DNM3: variants seen among roughly 807,000 people sequenced by gnomAD.
DNM3 encodes dynamin 3.
Under a neutral mutation model 101.6 loss-of-function variants are expected in DNM3, and 47 were observed. That is an observed-to-expected ratio of 0.46 (90% CI 0.37 to 0.59). DNM3 has a LOEUF of 0.59. Among genes scored for constraint, DNM3 ranks in the 20% least tolerant of loss-of-function variants. DNM3 has a pLI of 0.00. For synonymous variants in DNM3, 385 were observed against 387.9 expected (o/e 0.99, Z 0.09); for missense variants, 849 against 1,085.7 (o/e 0.78, Z 3.06).
rs9425576 is a variant in DNM3 at position 172,363,301 on chromosome 1, A to G, written c.1894-15717A>G. 3.5e-3 allele frequency among the ~76,000 whole-genome samples: 539 copies of G among 152,000 alleles called. 2 individuals carry two copies. Among genetic ancestry groups the G allele is most frequent in the African/African-American group, 0.012 (512 of 41,522 alleles). On this transcript the variant is annotated intron_variant, in intron 17 of 20. Transcript: ENST00000627582. Reference sequence around the variant, plus strand: ...ATTCTGTGATTCCAGTTGCCACCAGATATGTCCTTTGCATCTACAAAATTT... The same window carrying G: ...ATTCTGTGATTCCAGTTGCCACCAGGTATGTCCTTTGCATCTACAAAATTT...
At chr1:171,958,475 G>A (rs1270105101) in intron 2 of DNM3, among the ~76,000 whole-genome samples, 2 of 152,214 alleles carry the variant, frequency 1.3e-5, no homozygotes, top group Non-Finnish European at 2.9e-5. Flanking sequence ...CAGAAGCTTG[G>A]AAGTGAGAAA....
At chr1:172,073,271 A>T (rs577044990) in intron 11 of DNM3, among the ~76,000 whole-genome samples, 1 of 138,864 alleles carries the variant, frequency 7.2e-6, no homozygotes, top group Non-Finnish European at 1.6e-5. Flanking sequence ...ATACGTATAT[A>T]TGCTTATATG....
At chr1:172,070,960 C>T (rs2125942881) in intron 11 of DNM3, among the ~76,000 whole-genome samples, 1 of 150,716 alleles carries the variant, frequency 6.6e-6, no homozygotes. Flanking sequence ...CGGTGGCCTG[C>T]ACTACCAGTA....
At chr1:172,046,784 G>C (rs1206622136) in intron 9 of DNM3, among the ~76,000 whole-genome samples, 1 of 152,068 alleles carries the variant, frequency 6.6e-6, no homozygotes, top group African/African-American at 2.4e-5. Context: ...TTGCTTTTTA[G>C]CTGGGCAGAT....
chr1:171,965,577 G>A (rs903499092), intron 2 of DNM3, among the ~76,000 whole-genome samples: 1 of 151,874 alleles, frequency 6.6e-6, no homozygotes, highest in African/African-American at 2.4e-5. Flanking sequence ...GTTGTTGCGG[G>A]GGATGGATAT....
intron 13 of DNM3, among the ~76,000 whole-genome samples, chr1:172,120,200 A>G (rs779188255): frequency 9.9e-5 from 15 of 152,192 alleles, no homozygotes; most frequent in Admixed American, 3.3e-4. Flanking sequence ...GGCCTTCACA[A>G]TCATGATAGA....
At chr1:172,108,043 C>T (rs1572541749) in intron 13 of DNM3, among the ~76,000 whole-genome samples, 4 of 152,122 alleles carry the variant, frequency 2.6e-5, no homozygotes, top group Admixed American at 2.0e-4. Context: ...TCACTCAGGA[C>T]TCTGCTGTAT....
chr1:172,282,059 T>C (rs951797703), intron 15 of DNM3, among the ~76,000 whole-genome samples: 6 of 152,170 alleles, frequency 3.9e-5, no homozygotes, highest in Admixed American at 3.3e-4. Flanking sequence ...CAAGACCATA[T>C]CTAAAATACA....
At chr1:172,001,107 G>T (rs937380374) in intron 4 of DNM3, among the ~76,000 whole-genome samples, 2 of 152,028 alleles carry the variant, frequency 1.3e-5, no homozygotes, top group African/African-American at 2.4e-5. Context: ...AGATTGAAGA[G>T]AATTGGATTA....
chr1:172,000,880 G>A (rs1409687827), intron 4 of DNM3, among the ~76,000 whole-genome samples: 1 of 152,076 alleles, frequency 6.6e-6, no homozygotes, highest in Non-Finnish European at 1.5e-5. Flanking sequence ...AACAATAGTA[G>A]TGTAAGATGA....
chr1:172,119,274 G>A lies in DNM3; in HGVS notation c.1546-11901G>A, dbSNP rs112257300. The stretch of plus-strand genomic sequence containing the variant: ...CCCAAAGTGCTAGGATTACAGGTGT[G>A]AGCCACCACACCTGGCCAGTTGTTA... On this transcript the variant is annotated intron_variant, in intron 13 of 20. Transcript: ENST00000627582. Among the ~76,000 whole-genome samples, 1,117 of 152,090 alleles carry A rather than the reference G, an allele frequency of 7.3e-3. 11 individuals carry two copies. Among genetic ancestry groups the A allele is most frequent in the African/African-American group, 0.025 (1,035 of 41,478 alleles).
chr1:172,417,520 G>T (rs776596721), downstream of DNM3, among the ~76,000 whole-genome samples: 1 of 152,150 alleles, frequency 6.6e-6, no homozygotes, highest in African/African-American at 2.4e-5. Context: ...CAGCAGACCA[G>T]ATTTCATTTA....
intron 14 of DNM3, among the ~76,000 whole-genome samples, chr1:172,190,715 G>C (rs1231891947): frequency 6.6e-6 from 1 of 152,218 alleles, no homozygotes; most frequent in Non-Finnish European, 1.5e-5. Context: ...ATTCTAACTG[G>C]TGTGAGATGG....
At chr1:172,091,329 C>T (rs1463932510) in intron 12 of DNM3, among the ~76,000 whole-genome samples, 2 of 152,094 alleles carry the variant, frequency 1.3e-5, no homozygotes, top group East Asian at 3.8e-4. Context: ...ATAAATACAC[C>T]GTGTAGTGTA....
intron 4 of DNM3, among the ~76,000 whole-genome samples, chr1:172,007,793 G>T (rs77421776): frequency 0.015 from 2,278 of 152,046 alleles, 52 homozygotes; most frequent in African/African-American, 0.052. Flanking sequence ...TTGAGACAGG[G>T]TATTGCTCTT....
In DNM3 at chr1:172,236,949, A is replaced by G. The variant is rs550250957; in HGVS notation, c.1660-16624A>G. On this transcript the variant is annotated intron_variant, in intron 14 of 20. Coordinates refer to ENST00000627582, the MANE Select transcript of DNM3 (RefSeq NM_015569.5). ...CTTCCTCTTCCTCTTCCTCTATCTC[A>G]CTCATTCTCTCCTGTTTTATTAAGG... Among the ~76,000 whole-genome samples the G allele has an allele frequency of 6.6e-5, 10 of 151,420 alleles. No individual in the cohort carries two copies. In the East Asian group the frequency reaches 2.0e-3, roughly 30 times the overall value.
At chr1:172,153,524 C>T (rs1293376461) in intron 14 of DNM3, among the ~76,000 whole-genome samples, 6 of 152,192 alleles carry the variant, frequency 3.9e-5, no homozygotes, top group Non-Finnish European at 8.8e-5. Flanking sequence ...TTAGTTTTTG[C>T]CCTTCTTCCT....
At chr1:172,021,406 A>G (rs2047843834) in intron 4 of DNM3, among the ~76,000 whole-genome samples, 1 of 152,080 alleles carries the variant, frequency 6.6e-6, no homozygotes, top group African/African-American at 2.4e-5. Context: ...CTAGTGAGCT[A>G]TGACTGAGCC....
Position 171,890,903 on chromosome 1 carries a change from A to G in DNM3, c.162-30845A>G, listed in dbSNP as rs192979583. 1.2e-4 allele frequency among the ~76,000 whole-genome samples: 18 copies of G among 152,318 alleles called. No individual in the cohort carries two copies. In the East Asian group the frequency reaches 3.5e-3, roughly 29 times the overall value. ...ATGGTTTCTTGAACTCCTGGCCTCA[A>G]GTAATCCTCCCACCTTGGCCTCCCA... On this transcript the variant is annotated intron_variant, in intron 1 of 20. Transcript: ENST00000627582.
Sources: allele counts gnomAD v4.1 joint callset (sites outside exome capture counted in the v4.1 genomes callset), GRCh38; gene constraint gnomAD v4.1.1; transcripts MANE v1.5; gene names NCBI Gene and HGNC (gene_info 2026-07-23, HGNC 2026-07-21).